Variants in CTNND2 observed in about 807,000 individuals in gnomAD.
The protein encoded by CTNND2 is catenin delta 2, also known as catenin delta-2.
A neutral mutation model predicts 144.4 loss-of-function variants in CTNND2; 22 were observed. The observed-to-expected ratio is 0.15, with a 90% confidence interval of 0.11 to 0.22. The LOEUF is 0.22. CTNND2 is among the 10% of genes least tolerant of loss of function. CTNND2 has a pLI of 1.00. For synonymous variants in CTNND2, 751 were observed against 695.6 expected, an observed-to-expected ratio of 1.08 and a Z score of -1.25; for missense variants, 1,353 against 1,618.8, an observed-to-expected ratio of 0.84 and a Z score of 2.82.
intron 2 of CTNND2, among the ~76,000 whole-genome samples, chr5:11,600,917 C>T (rs1581590421): frequency 6.6e-6 from 1 of 151,956 alleles, no homozygotes; most frequent in African/African-American, 2.4e-5. Context: ...GTGCTTGCCT[C>T]CCAGTGAGAA....
intron 1 of CTNND2, among the ~76,000 whole-genome samples, chr5:11,868,792 C>T (rs1795894798): frequency 6.6e-6 from 1 of 152,154 alleles, no homozygotes; most frequent in Non-Finnish European, 1.5e-5. Flanking sequence ...ATGTGAGGCC[C>T]TCCACAGCCT....
intron 3 of CTNND2, among the ~76,000 whole-genome samples, chr5:11,429,450 CG>C (rs201924429): frequency 0.019 from 2,829 of 152,232 alleles, 109 homozygotes; most frequent in African/African-American, 0.065. Context: ...TTTAAGGCGC[CG>C]GGGCAGAGCA....
intron 7 of CTNND2, among the ~76,000 whole-genome samples, chr5:11,383,575 TTAGGCCAGGCCAGTCCA>T (rs1758744231): frequency 1.3e-5 from 2 of 152,326 alleles, no homozygotes; most frequent in South Asian, 4.1e-4. Context: ...CTGCATCCTG[TTAGGCCAGGCCAGTCCA>T]CACTGGCAAT....
intron 11 of CTNND2, among the ~76,000 whole-genome samples, chr5:11,186,535 G>A (rs1463570406): frequency 6.6e-6 from 1 of 152,122 alleles, no homozygotes; most frequent in Non-Finnish European, 1.5e-5. Context: ...TATTTTCATT[G>A]GATAGTGTAG....
chr5:11,219,749 A>G (rs1441143596), intron 10 of CTNND2, among the ~76,000 whole-genome samples: 6 of 152,218 alleles, frequency 3.9e-5, no homozygotes, highest in Non-Finnish European at 8.8e-5. Context: ...AGCCTTCAGA[A>G]GCTGAAAAAG....
At chr5:11,743,739 G>A (rs1170187094) in intron 1 of CTNND2, among the ~76,000 whole-genome samples, 3 of 152,132 alleles carry the variant, frequency 2.0e-5, no homozygotes, top group Non-Finnish European at 2.9e-5. Flanking sequence ...GATGGCTGGA[G>A]GGTGGAGAGC....
intron 1 of CTNND2, among the ~76,000 whole-genome samples, chr5:11,800,884 T>C (rs2126886772): frequency 6.6e-6 from 1 of 152,296 alleles, no homozygotes; most frequent in Middle Eastern, 3.4e-3. Flanking sequence ...AATTCCCTTC[T>C]CTTGCTTTCA....
intron 9 of CTNND2, among the ~76,000 whole-genome samples, chr5:11,286,999 G>A (rs1028013680): frequency 2.0e-5 from 3 of 152,064 alleles, no homozygotes; most frequent in Non-Finnish European, 4.4e-5. Flanking sequence ...TAGGAAAAGA[G>A]GAATGAAATC....
At chr5:11,434,732 C>G (rs971794768) in intron 3 of CTNND2, among the ~76,000 whole-genome samples, 1 of 152,068 alleles carries the variant, frequency 6.6e-6, no homozygotes, top group Non-Finnish European at 1.5e-5. Flanking sequence ...TTGTCAGATT[C>G]TTTCAACTTT....
intron 2 of CTNND2, among the ~76,000 whole-genome samples, chr5:11,595,559 T>C (rs371621876): frequency 1.1e-4 from 16 of 152,268 alleles, no homozygotes; most frequent in African/African-American, 3.6e-4. Flanking sequence ...CAATGACAGA[T>C]GAAGAAGACA....
intron 6 of CTNND2, among the ~76,000 whole-genome samples, chr5:11,391,903 C>T (rs894771208): frequency 2.6e-5 from 4 of 152,142 alleles, no homozygotes; most frequent in African/African-American, 4.8e-5. Context: ...ACTTAAGTAA[C>T]GGAAAACCCA....
At chr5:10,982,260 G>T (rs1737377073) in intron 20 of CTNND2, among the ~76,000 whole-genome samples, 1 of 152,252 alleles carries the variant, frequency 6.6e-6, no homozygotes, top group African/African-American at 2.4e-5. Flanking sequence ...TTTCTAATTT[G>T]AGCTCACAGA....
chr5:11,861,952 A>G (rs1351250865), intron 1 of CTNND2, among the ~76,000 whole-genome samples: 1 of 152,184 alleles, frequency 6.6e-6, no homozygotes, highest in African/African-American at 2.4e-5. Context: ...TTCTCAATGT[A>G]ACCTACCCTG....
chr5:11,056,605 A>G (rs1746375048), intron 16 of CTNND2, among the ~76,000 whole-genome samples: 1 of 152,166 alleles, frequency 6.6e-6, no homozygotes, highest in African/African-American at 2.4e-5. Context: ...GGCATGTGTT[A>G]TTGTGCCCAG....
At chr5:11,167,231 CCATAACACCGTAAACT>C (rs1485452944) in intron 11 of CTNND2, among the ~76,000 whole-genome samples, 1 of 152,164 alleles carries the variant, frequency 6.6e-6, no homozygotes, top group Admixed American at 6.5e-5. Flanking sequence ...GTGCCATGGT[CCATAACACCGTAAACT>C]CTCATTCTAC....
chr5:11,232,985 T>G (rs1741208829), intron 10 of CTNND2, among the ~76,000 whole-genome samples: 1 of 152,190 alleles, frequency 6.6e-6, no homozygotes, highest in South Asian at 2.1e-4. Flanking sequence ...GCATTTCCCC[T>G]GCTTGTACTC....
chr5:11,430,861 C>T (rs1763231766), intron 3 of CTNND2, among the ~76,000 whole-genome samples: 1 of 152,170 alleles, frequency 6.6e-6, no homozygotes, highest in Non-Finnish European at 1.5e-5. Context: ...CTGAGCTATG[C>T]ATAGGGGTCA....
At chr5:11,094,106 TA>T (rs1751059464) in intron 15 of CTNND2, among the ~76,000 whole-genome samples, 1 of 152,224 alleles carries the variant, frequency 6.6e-6, no homozygotes, top group Non-Finnish European at 1.5e-5. Flanking sequence ...TACTCCCAAA[TA>T]TTACTTATCA....
In CTNND2 at chr5:11,751,374, T is replaced by C. The variant is rs570962538; in HGVS notation, c.38-19102A>G. Among the ~76,000 whole-genome samples the C allele has an allele frequency of 8.6e-5, 13 of 151,800 alleles. No homozygotes were observed. The East Asian group carries it at 2.3e-3, about 27-fold the overall frequency. ...TAGACAATAGGTAGTTGTTTGATCATCTCCCTTCTCCCACCCTACACCCTC... is the reference window on the plus strand; with the variant it reads ...TAGACAATAGGTAGTTGTTTGATCACCTCCCTTCTCCCACCCTACACCCTC... On this transcript the variant is annotated intron_variant, in intron 1 of 21. Transcript: ENST00000304623.
Sources: gnomAD v4.1 joint callset for allele counts (sites outside exome capture counted in the v4.1 genomes callset) on GRCh38, gnomAD v4.1.1 for gene constraint, MANE v1.5 for transcripts, NCBI Gene and HGNC (gene_info 2026-07-23, HGNC 2026-07-21) for gene names.